Variants in DBF4 observed in about 807,000 individuals in gnomAD.
DBF4 encodes the protein DBF4-CDC7 kinase regulatory subunit, also known as protein DBF4 homolog A.
A neutral mutation model predicts 76.6 loss-of-function variants in DBF4; 25 were observed. The ratio of observed to expected loss-of-function variants is 0.33; its 90% CI spans 0.24 to 0.46. DBF4 has a LOEUF of 0.46. Among genes scored for constraint, DBF4 ranks in the 20% least tolerant of loss-of-function variants. The pLI is 1.00. For missense variants in DBF4, 638 were observed against 760.8 expected (o/e 0.84, Z 1.90); for synonymous variants, 213 against 258.0 (o/e 0.83, Z 1.67).
At chr7:87,899,449 G>A (rs530398439) in intron 8 of DBF4, among the ~76,000 whole-genome samples, 2 of 152,186 alleles carry the variant, frequency 1.3e-5, no homozygotes, top group South Asian at 2.1e-4. Context: ...GGGGCAAAGC[G>A]CTGAATAGAC....
chr7:87,882,963 C>T (rs1055889646), intron 2 of DBF4, among the ~76,000 whole-genome samples: 3 of 152,002 alleles, frequency 2.0e-5, no homozygotes, highest in African/African-American at 7.2e-5. Context: ...GCTATACATA[C>T]AAAATAATTG....
intron 8 of DBF4, 88 bp downstream of exon 8, chr7:87,897,427 GT>G: frequency 8.1e-7 from 1 of 1,227,150 alleles, no homozygotes. Flanking sequence ...GATTAGTACT[GT>G]TAGGTTCCTT....
intron 6 of DBF4, among the ~76,000 whole-genome samples, chr7:87,889,435 G>A (rs112382876): frequency 2.6e-5 from 4 of 151,708 alleles, no homozygotes; most frequent in South Asian, 2.1e-4. Context: ...ATGAGCCACC[G>A]TACCTGGCTA....
intron 2 of DBF4, among the ~76,000 whole-genome samples, chr7:87,880,483 GATCTTCCCATACT>G (rs1249252388): frequency 6.6e-6 from 1 of 152,084 alleles, no homozygotes; most frequent in African/African-American, 2.4e-5. Context: ...ATTGAATTCT[GATCTTCCCATACT>G]ATCTTTTCTA....
At chr7:87,904,204 G>T in intron 10 of DBF4, 88 bp from the exon 11 acceptor site, 1 of 1,356,644 alleles carries the variant, frequency 7.4e-7, no homozygotes, top group Non-Finnish European at 9.9e-7. Flanking sequence ...AATTTTAGGG[G>T]CATGAGAATG....
At chr7:87,890,581 T>C (rs1839461870) in intron 6 of DBF4, among the ~76,000 whole-genome samples, 1 of 152,180 alleles carries the variant, frequency 6.6e-6, no homozygotes, top group South Asian at 2.1e-4. Flanking sequence ...TCTGGGATGT[T>C]ATGTCAGTGA....
intron 2 of DBF4, among the ~76,000 whole-genome samples, chr7:87,881,251 A>G (rs2131041254): frequency 6.6e-6 from 1 of 152,266 alleles, no homozygotes; most frequent in Admixed American, 6.5e-5. Flanking sequence ...TACTAAAAAT[A>G]CAAAAATTTA....
chr7:87,897,414 C>A, intron 8 of DBF4, 75 bp downstream of exon 8: 1 of 1,373,872 alleles, frequency 7.3e-7, no homozygotes, highest in East Asian at 2.3e-5. Context: ...ATTAGGCTAG[C>A]TCGATTAGTA....
In DBF4 at chr7:87,898,044, C is replaced by T. The variant is rs1416686712; in HGVS notation, c.680+705C>T. On this transcript the variant is annotated intron_variant, in intron 8 of 11. Transcript: ENST00000265728. ...CCGCCTGCCTCAGCCTCCCAAAGTG[C>T]GGGGATTACAGGCGTGAGCCACTGT... Among the ~76,000 whole-genome samples the T allele has an allele frequency of 3.9e-5, 6 of 152,176 alleles. No homozygotes were observed. The East Asian group carries it at 5.8e-4, about 15-fold the overall frequency.
chr7:87,905,366 A>AT (rs1291627448), intron 11 of DBF4, among the ~76,000 whole-genome samples: 1 of 152,218 alleles, frequency 6.6e-6, no homozygotes. Context: ...AAAGTTTACC[A>AT]TTTACTCAGA....
rs1839042647 is a variant in DBF4 at position 87,876,585 on chromosome 7, A to G, written c.-148A>G. ...ATCCGGCCCCGGAAACCCGACCTGC[A>G]GACGCGGTACCTCTACTGCGTAGAG... is the stretch of plus-strand genomic sequence containing the variant. On this transcript the variant is annotated 5_prime_UTR_variant, in exon 1 of 12. Transcript: ENST00000265728. 2.4e-6 allele frequency: 2 copies of G among 836,990 alleles called. No individual in the cohort carries two copies. The highest frequency in any genetic ancestry group is 3.8e-6 in the Non-Finnish European group (2 of 528,378). 51.8% of individuals were successfully genotyped at this position (836,990 alleles called of 1,614,324 possible).
chr7:87,884,397 C>G (rs779701816), intron 2 of DBF4, among the ~76,000 whole-genome samples: 4 of 152,156 alleles, frequency 2.6e-5, no homozygotes, highest in Non-Finnish European at 5.9e-5. Flanking sequence ...AATCACACTA[C>G]CAAGGCCATT....
rs1216016239 is a variant in DBF4 at position 87,876,508 on chromosome 7, G to A, written c.-225G>A. ...ACGCGTTTTCAAATCTTCAACCGCC[G>A]CAGCCCACTCGTTTGTGCTTTGCGC... On this transcript the variant is annotated 5_prime_UTR_variant, in exon 1 of 12. Coordinates refer to ENST00000265728, the MANE Select transcript of DBF4 (RefSeq NM_006716.4). The A allele has an allele frequency of 7.6e-6, 4 of 523,642 alleles. No individual in the cohort carries two copies. Among genetic ancestry groups the A allele is most frequent in the Non-Finnish European group, 1.0e-5 (3 of 291,046 alleles). 32.4% of individuals were successfully genotyped at this position (523,642 alleles called of 1,614,324 possible).
chr7:87,887,838 T>G, intron 5 of DBF4, 145 bp from the exon 6 acceptor site: 1 of 795,002 alleles, frequency 1.3e-6, no homozygotes, highest in Non-Finnish European at 1.8e-6. Flanking sequence ...TCAACATGAG[T>G]TTTAGAGGAG....
rs575597589 is a variant in DBF4, at chr7:87,907,641, A to T, written c.1503A>T (p.Gly501=). 91 of 1,614,088 alleles carry T rather than the reference A, an allele frequency of 5.6e-5. No homozygotes were observed. In the East Asian group the frequency reaches 1.9e-3, roughly 33 times the overall value. Residue 501 remains glycine, a synonymous_variant, in exon 12 of 12, where the codon GGA becomes GGT. Coordinates refer to ENST00000265728, the MANE Select transcript of DBF4 (RefSeq NM_006716.4). ...HVSDFSTDNS[G]SQPKQKSDTV... ...CTGATTTCAGTACAGATAATAGTGGATCTCAACCAAAACAGAAGTCAGATA... is the reference window on the plus strand; with the variant it reads ...CTGATTTCAGTACAGATAATAGTGGTTCTCAACCAAAACAGAAGTCAGATA...
intron 3 of DBF4, among the ~76,000 whole-genome samples, chr7:87,886,535 C>CAAAAA (rs11411808): frequency 1.8e-5 from 1 of 54,248 alleles, no homozygotes; most frequent in African/African-American, 6.6e-5. Context: ...ACTTTGTCTC[C>CAAAAA]AAAAAAAAAA....
rs566449903 is a variant in DBF4, at chr7:87,901,868, G to T, written c.924+990G>T. Among the ~76,000 whole-genome samples the T allele has an allele frequency of 8.3e-4, 127 of 152,176 alleles. 1 individual carries two copies. The highest frequency in any genetic ancestry group is 3.7e-3 in the Admixed American group (56 of 15,274). On this transcript the variant is annotated intron_variant, in intron 10 of 11. Coordinates refer to ENST00000265728, the MANE Select transcript of DBF4 (RefSeq NM_006716.4). The stretch of plus-strand genomic sequence containing the variant: ...GGTTTTGGTAGAAGATGGTGGGAAA[G>T]TTAAGGGGAAAGAATAATACTGGAA...
At position 87,878,155 on chromosome 7, in the gene DBF4, T is replaced by C; in HGVS notation, c.149T>C (p.Val50Ala). Residue 50 changes from valine (V) to alanine (A), a missense_variant, in exon 2 of 12, where the codon GTA (valine) becomes GCA (alanine). By Grantham distance (64) the Val-to-Ala change is moderately conservative (BLOSUM62 0). Coordinates refer to ENST00000265728, the MANE Select transcript of DBF4 (RefSeq NM_006716.4). The part of the protein sequence containing the change: ...KSKCKPLWGK[V>A]FYLDLPSVTI... ...AAATGTAAGCCACTTTGGGGAAAAG[T>C]ATTTTACCTTGACTTACCTTCTGTC... 1 of 1,613,440 alleles carries C rather than the reference T, an allele frequency of 6.2e-7. No individual in the cohort carries two copies. The highest frequency in any genetic ancestry group is 8.5e-7 in the Non-Finnish European group (1 of 1,179,778).
chr7:87,879,967 AG>A (rs1191168002), intron 2 of DBF4, among the ~76,000 whole-genome samples: 3 of 151,342 alleles, frequency 2.0e-5, no homozygotes, highest in South Asian at 2.1e-4. Context: ...AAAAAAAAAA[AG>A]GTAGCTCAAA....
Sources: allele counts gnomAD v4.1 joint callset (sites outside exome capture counted in the v4.1 genomes callset), GRCh38; gene constraint gnomAD v4.1.1; transcripts MANE v1.5; gene names NCBI Gene and HGNC (gene_info 2026-07-23, HGNC 2026-07-21).